SDK1: variants seen among roughly 807,000 people sequenced by gnomAD.
SDK1 encodes the protein protein sidekick-1.
Under a neutral mutation model 245.5 loss-of-function variants are expected in SDK1, and 157 were observed. The observed-to-expected ratio is 0.64, with a 90% confidence interval of 0.56 to 0.73. SDK1 has a LOEUF of 0.73. SDK1 is among the 30% of genes least tolerant of loss of function. The probability of loss-of-function intolerance (pLI) is 0.00; values close to 1 mark genes in which losing one functional copy is unlikely to be tolerated. For synonymous variants in SDK1, 1,647 were observed against 1,278.5 expected (o/e 1.29, Z -6.15); for missense variants, 3,583 against 3,002.3 (o/e 1.19, Z -4.52).
chr7:3,449,588 C>T (rs1037352790), intron 1 of SDK1, among the ~76,000 whole-genome samples: 2 of 152,092 alleles, frequency 1.3e-5, no homozygotes. Context: ...CTGTAAACAC[C>T]TTGAATATTT....
chr7:4,129,536 C>T (rs977322393), intron 26 of SDK1: 1 of 519,206 alleles, frequency 1.9e-6, no homozygotes, highest in Non-Finnish European at 2.7e-6. Flanking sequence ...GGCTGGAAAA[C>T]CCAGGGGGCT....
intron 1 of SDK1, among the ~76,000 whole-genome samples, chr7:3,370,148 A>G (rs1304028797): frequency 6.6e-6 from 1 of 152,184 alleles, no homozygotes; most frequent in Non-Finnish European, 1.5e-5. Context: ...GACTTGAGAG[A>G]GTATGGTTTT....
chr7:3,699,857 C>T (rs868341439), intron 4 of SDK1, among the ~76,000 whole-genome samples: 5 of 151,856 alleles, frequency 3.3e-5, no homozygotes, highest in South Asian at 2.1e-4. Context: ...TTCAAGAAGC[C>T]GAGAGAATCC....
intron 1 of SDK1, among the ~76,000 whole-genome samples, chr7:3,541,891 G>A (rs764942652): frequency 3.3e-5 from 5 of 152,046 alleles, no homozygotes; most frequent in Admixed American, 6.6e-5. Context: ...TTAAACAGAG[G>A]AACAAAAAAT....
chr7:3,868,444 AAGTC>A (rs1416209122), intron 5 of SDK1, among the ~76,000 whole-genome samples: 2 of 152,206 alleles, frequency 1.3e-5, no homozygotes, highest in African/African-American at 2.4e-5. Flanking sequence ...CACCTTATCA[AAGTC>A]AGCTTTACAG....
In SDK1 at chr7:3,805,325, A is replaced by C. The variant is rs568446802; in HGVS notation, c.714-16125A>C. Among the ~76,000 whole-genome samples the C allele has an allele frequency of 3.9e-3, 599 of 152,268 alleles. 5 individuals are homozygous for C. The highest frequency in any genetic ancestry group is 0.014 in the African/African-American group (579 of 41,550). On this transcript the variant is annotated intron_variant, in intron 4 of 44. Transcript: ENST00000404826. ...TCCTGTGTAGACCACGTCATCTGCA[A>C]ATAGAGGCAGTTCACTTTTTCCTTT...
At chr7:3,892,904 G>A (rs1781497245) in intron 5 of SDK1, among the ~76,000 whole-genome samples, 1 of 152,150 alleles carries the variant, frequency 6.6e-6, no homozygotes, top group Non-Finnish European at 1.5e-5. Context: ...CAGAATCGTG[G>A]GTTGCTTTCG....
chr7:4,178,138 C>T (rs1034401088), intron 34 of SDK1, among the ~76,000 whole-genome samples: 4 of 152,240 alleles, frequency 2.6e-5, no homozygotes, highest in Non-Finnish European at 4.4e-5. Flanking sequence ...CGCTACTCAC[C>T]TCCTGCTTTG....
At chr7:4,151,443 C>A (rs1017149826) in intron 30 of SDK1, among the ~76,000 whole-genome samples, 1 of 152,222 alleles carries the variant, frequency 6.6e-6, no homozygotes, top group Non-Finnish European at 1.5e-5. Flanking sequence ...CTGGTGAGGT[C>A]CGTATGCTGG....
chr7:3,500,394 A>G lies in SDK1; in HGVS notation c.299-118686A>G, dbSNP rs535755686. On this transcript the variant is annotated intron_variant, in intron 1 of 44. Coordinates refer to ENST00000404826, the MANE Select transcript of SDK1 (RefSeq NM_152744.4). ...ATTCAAAAATGTAGACATTTTTTCT[A>G]CCCTCTTTCTTAGATTTACTGGGTA... Among the ~76,000 whole-genome samples the G allele has an allele frequency of 1.6e-4, 24 of 152,124 alleles. No homozygotes were observed. The East Asian group carries it at 4.3e-3, about 27-fold the overall frequency.
intron 1 of SDK1, chr7:3,338,643 C>A: frequency 5.1e-6 from 1 of 196,538 alleles, no homozygotes; most frequent in Non-Finnish European, 1.0e-5. Context: ...AAAAAAAACA[C>A]CAAAACAAGA....
At chr7:4,130,997 C>G (rs1013989873) in intron 27 of SDK1, among the ~76,000 whole-genome samples, 8 of 152,146 alleles carry the variant, frequency 5.3e-5, no homozygotes, top group African/African-American at 1.9e-4. Flanking sequence ...ATCCTCGCCT[C>G]GCCTCACGGA....
intron 1 of SDK1, among the ~76,000 whole-genome samples, chr7:3,507,102 T>G (rs575171822): frequency 1.3e-5 from 2 of 152,290 alleles, no homozygotes; most frequent in Admixed American, 6.5e-5. Flanking sequence ...CTAATCCCGG[T>G]ACCTGGTCTT....
intron 1 of SDK1, among the ~76,000 whole-genome samples, chr7:3,321,923 A>G (rs1459600146): frequency 6.8e-6 from 1 of 148,114 alleles, no homozygotes. Flanking sequence ...GAATGTATAC[A>G]CAGAAGCTCT....
intron 23 of SDK1, among the ~76,000 whole-genome samples, chr7:4,111,663 A>G (rs1309814725): frequency 6.6e-6 from 1 of 152,212 alleles, no homozygotes; most frequent in Non-Finnish European, 1.5e-5. Context: ...AGCTGTTGGG[A>G]TTCAAGACTT....
chr7:3,346,114 C>T (rs943947110), intron 1 of SDK1, among the ~76,000 whole-genome samples: 2 of 152,186 alleles, frequency 1.3e-5, no homozygotes, highest in Non-Finnish European at 2.9e-5. Context: ...ACTGCATCCT[C>T]TTCTGCTTAA....
In SDK1 at chr7:3,832,598, G is replaced by C. The variant is rs138593346; in HGVS notation, c.847+11015G>C. On this transcript the variant is annotated intron_variant, in intron 5 of 44. Transcript: ENST00000404826. The stretch of plus-strand genomic sequence containing the variant: ...ATGCTGAAGACCATTAGCAAATCCA[G>C]AGTGCTATATTCCCTGCTTTTCCAA... Among the ~76,000 whole-genome samples the C allele has an allele frequency of 6.9e-3, 1,057 of 152,290 alleles. 7 individuals carry two copies. Among genetic ancestry groups the C allele is most frequent in the Non-Finnish European group, 0.011 (781 of 68,026 alleles).
intron 4 of SDK1, among the ~76,000 whole-genome samples, chr7:3,795,507 TA>T (rs1778941201): frequency 6.6e-6 from 1 of 152,178 alleles, no homozygotes; most frequent in African/African-American, 2.4e-5. Flanking sequence ...TTAGTGACTT[TA>T]AAGAGCAAAG....
intron 4 of SDK1, among the ~76,000 whole-genome samples, chr7:3,676,544 C>A (rs1236674475): frequency 6.6e-6 from 1 of 152,038 alleles, no homozygotes; most frequent in Non-Finnish European, 1.5e-5. Flanking sequence ...CCGGGATGGT[C>A]TCAATCTCCT....
Sources: allele counts gnomAD v4.1 joint callset (sites outside exome capture counted in the v4.1 genomes callset), GRCh38; gene constraint gnomAD v4.1.1; transcripts MANE v1.5; gene names NCBI Gene and HGNC (gene_info 2026-07-23, HGNC 2026-07-21).